The following KCNIP1 variants were observed in gnomAD, a reference collection of about 807,000 sequenced individuals.
KCNIP1 encodes the protein A-type potassium channel modulatory protein KCNIP1.
Under a neutral mutation model 33.0 loss-of-function variants are expected in KCNIP1, and 18 were observed. The ratio of observed to expected loss-of-function variants is 0.55; its 90% CI spans 0.38 to 0.81. KCNIP1 has a LOEUF of 0.81. Ranked by LOEUF, KCNIP1 falls within the 30% of genes least tolerant of loss-of-function variation. The probability of loss-of-function intolerance (pLI) is 0.00; values close to 1 mark genes in which losing one functional copy is unlikely to be tolerated. For synonymous variants in KCNIP1, 93 were observed against 98.3 expected (o/e 0.95, Z 0.32); for missense variants, 238 against 271.6 (o/e 0.88, Z 0.87).
intron 1 of KCNIP1, among the ~76,000 whole-genome samples, chr5:170,670,088 T>C (rs918568894): frequency 6.6e-6 from 1 of 152,186 alleles, no homozygotes; most frequent in East Asian, 1.9e-4. Flanking sequence ...CTTCATCCCT[T>C]ACCTATAGCT....
rs79735013 is a variant in KCNIP1, at chr5:170,444,553, T to C, written c.88+90589T>C. Among the ~76,000 whole-genome samples the C allele has an allele frequency of 6.1e-3, 931 of 152,224 alleles. 11 individuals are homozygous for C. The highest frequency in any genetic ancestry group is 0.021 in the South Asian group (101 of 4,830). Reference sequence around the variant, plus strand: ...ATACTCACAGGCATAGGGATGAGGATGCGGATGTCTTTAGAGGGCCACTGT... The same window carrying C: ...ATACTCACAGGCATAGGGATGAGGACGCGGATGTCTTTAGAGGGCCACTGT... On this transcript the variant is annotated intron_variant, in intron 1 of 7. Transcript: ENST00000377360.
intron 1 of KCNIP1, among the ~76,000 whole-genome samples, chr5:170,541,302 C>T (rs1033752040): frequency 6.6e-6 from 1 of 152,208 alleles, no homozygotes; most frequent in South Asian, 2.1e-4. Context: ...CTGAAGCATT[C>T]CTTTTGGACT....
At chr5:170,669,516 T>C (rs903482312) in intron 1 of KCNIP1, 5 of 985,052 alleles carry the variant, frequency 5.1e-6, no homozygotes, top group Non-Finnish European at 6.0e-6. Context: ...TTAAATTAAT[T>C]TGTTGAAAGG....
At chr5:170,641,213 C>A (rs1199588525) in intron 1 of KCNIP1, among the ~76,000 whole-genome samples, 2 of 152,182 alleles carry the variant, frequency 1.3e-5, no homozygotes, top group African/African-American at 4.8e-5. Context: ...ACTCTGGGTC[C>A]TTGGGAAGAG....
intron 1 of KCNIP1, among the ~76,000 whole-genome samples, chr5:170,520,600 GCATT>G (rs138018804): frequency 0.62 from 93,577 of 151,612 alleles, 30,601 homozygotes; most frequent in East Asian, 0.85. Context: ...TTAGGGGAAT[GCATT>G]ATAAACCAAC....
At chr5:170,705,583 G>T (rs1419986434) in intron 1 of KCNIP1, among the ~76,000 whole-genome samples, 1 of 152,144 alleles carries the variant, frequency 6.6e-6, no homozygotes, top group Non-Finnish European at 1.5e-5. Flanking sequence ...TCTGTTCCAC[G>T]GACTGAGATG....
intron 1 of KCNIP1, among the ~76,000 whole-genome samples, chr5:170,495,886 C>G (rs1254627530): frequency 1.3e-5 from 2 of 152,172 alleles, no homozygotes; most frequent in African/African-American, 4.8e-5. Flanking sequence ...TTTTCTCCCC[C>G]ATTCCTTCCT....
At chr5:170,682,780 G>GTTTTT (rs1554111091) in intron 1 of KCNIP1, among the ~76,000 whole-genome samples, 4 of 59,652 alleles carry the variant, frequency 6.7e-5, no homozygotes, top group South Asian at 7.7e-4. Context: ...TATTTTCTTT[G>GTTTTT]TTTCTTTTTT....
chr5:170,568,296 T>C lies in KCNIP1; in HGVS notation c.61+63663T>C, dbSNP rs191894219. Among the ~76,000 whole-genome samples the C allele has an allele frequency of 1.1e-4, 17 of 152,312 alleles. No homozygotes were observed. In the East Asian group the frequency reaches 3.1e-3, roughly 28 times the overall value. On this transcript the variant is annotated intron_variant, in intron 1 of 7. Coordinates refer to ENST00000328939, the MANE Select transcript of KCNIP1 (RefSeq NM_014592.4). ...GGCATGTAGTATGTCCCAGACACTG[T>C]GCTGAACACTAAGATTACATGGAGG...
intron 1 of KCNIP1, among the ~76,000 whole-genome samples, chr5:170,623,621 C>T (rs572377341): frequency 2.6e-5 from 4 of 152,024 alleles, no homozygotes; most frequent in African/African-American, 4.8e-5. Context: ...GAAACCGATG[C>T]GAAAAGTGCT....
intron 1 of KCNIP1, among the ~76,000 whole-genome samples, chr5:170,355,841 G>A (rs1399742163): frequency 6.6e-6 from 1 of 152,232 alleles, no homozygotes; most frequent in African/African-American, 2.4e-5. Context: ...AACTGCTTCA[G>A]TACAGCCTTT....
intron 1 of KCNIP1, among the ~76,000 whole-genome samples, chr5:170,628,391 GA>G (rs1276054733): frequency 1.3e-5 from 2 of 152,112 alleles, no homozygotes; most frequent in African/African-American, 2.4e-5. Context: ...GACAACTGGG[GA>G]CACTGAGGCT....
At chr5:170,574,091 G>C (rs1400036848) in intron 1 of KCNIP1, among the ~76,000 whole-genome samples, 2 of 152,190 alleles carry the variant, frequency 1.3e-5, no homozygotes, top group African/African-American at 4.8e-5. Context: ...GGGCTAATGA[G>C]AAAAATAAAA....
At chr5:170,394,337 T>C (rs1364210963) in intron 1 of KCNIP1, among the ~76,000 whole-genome samples, 1 of 152,178 alleles carries the variant, frequency 6.6e-6, no homozygotes, top group Admixed American at 6.5e-5. Context: ...GCATCCTCCA[T>C]TAACATGTCT....
intron 1 of KCNIP1, among the ~76,000 whole-genome samples, chr5:170,549,367 G>A (rs1324265956): frequency 6.6e-6 from 1 of 152,126 alleles, no homozygotes; most frequent in Middle Eastern, 3.2e-3. Context: ...TGGAAGTATT[G>A]CACAGTGATG....
At chr5:170,687,949 A>G (rs1762598480) in intron 1 of KCNIP1, among the ~76,000 whole-genome samples, 1 of 152,214 alleles carries the variant, frequency 6.6e-6, no homozygotes, top group Non-Finnish European at 1.5e-5. Context: ...GGAGATACAA[A>G]ATAACAATGC....
At chr5:170,583,652 C>T (rs1733796403) in intron 1 of KCNIP1, among the ~76,000 whole-genome samples, 1 of 152,204 alleles carries the variant, frequency 6.6e-6, no homozygotes. Flanking sequence ...AGTTTAGGCT[C>T]TTGAGGCTCA....
intron 1 of KCNIP1, among the ~76,000 whole-genome samples, chr5:170,450,069 C>T (rs1253127071): frequency 1.3e-5 from 2 of 152,078 alleles, no homozygotes; most frequent in Non-Finnish European, 2.9e-5. Flanking sequence ...GGCCTTTAAT[C>T]ATCCATGCTC....
chr5:170,470,285 C>G (rs73311767), intron 1 of KCNIP1, among the ~76,000 whole-genome samples: 3,159 of 152,196 alleles, frequency 0.021, 103 homozygotes, highest in African/African-American at 0.072. Context: ...CCCTATGCCC[C>G]ACATTAGCCA....
Sources: allele counts gnomAD v4.1 joint callset (sites outside exome capture counted in the v4.1 genomes callset), GRCh38; gene constraint gnomAD v4.1.1; transcripts MANE v1.5; gene names NCBI Gene and HGNC (gene_info 2026-07-23, HGNC 2026-07-21).